KCNQ3: variants seen among roughly 807,000 people sequenced by gnomAD.
The protein encoded by KCNQ3 is potassium voltage-gated channel subfamily Q member 3.
A neutral mutation model predicts 92.5 loss-of-function variants in KCNQ3; 30 were observed. The observed-to-expected ratio is 0.32, with a 90% CI of 0.24 to 0.44. The LOEUF (loss-of-function observed/expected upper bound fraction) is 0.44. Ranked by LOEUF, KCNQ3 falls within the 20% of genes least tolerant of loss-of-function variation. KCNQ3 has a pLI of 1.00. For missense variants in KCNQ3, 913 were observed against 1,140.3 expected, an observed-to-expected ratio of 0.80 and a Z score of 2.87; for synonymous variants, 450 against 468.8, an observed-to-expected ratio of 0.96 and a Z score of 0.52.
rs1814973425 is a variant in KCNQ3, at chr8:132,240,915, G to C, written c.387-54734C>G. Among the ~76,000 whole-genome samples, 6 of 151,052 alleles carry C rather than the reference G, an allele frequency of 4.0e-5. No homozygotes were observed. The South Asian group carries it at 1.3e-3, about 32-fold the overall frequency. ...TTTTTTTTTTTCTTTTTGAGACAGA[G>C]TCTTGTTCTCTCACCCAGGCTGGAG... On this transcript the variant is annotated intron_variant, in intron 1 of 14. Coordinates refer to ENST00000388996, the MANE Select transcript of KCNQ3 (RefSeq NM_004519.4).
chr8:132,360,590 A>T (rs1406908363), intron 1 of KCNQ3, among the ~76,000 whole-genome samples: 1 of 152,120 alleles, frequency 6.6e-6, no homozygotes, highest in Non-Finnish European at 1.5e-5. Context: ...CCAGCCCTTG[A>T]TCTAAGCCCC....
At chr8:132,163,982 G>A (rs550509537) in intron 8 of KCNQ3, among the ~76,000 whole-genome samples, 5 of 152,260 alleles carry the variant, frequency 3.3e-5, no homozygotes, top group Admixed American at 1.3e-4. Context: ...GAAAATTGAG[G>A]CACAGAGGGA....
intron 1 of KCNQ3, among the ~76,000 whole-genome samples, chr8:132,247,098 G>A (rs16904637): frequency 6.6e-6 from 1 of 152,268 alleles, no homozygotes; most frequent in African/African-American, 2.4e-5. Context: ...ACAGCATCCT[G>A]TGACTGCCTC....
At chr8:132,472,872 C>A (rs928280017) in intron 1 of KCNQ3, among the ~76,000 whole-genome samples, 1 of 152,044 alleles carries the variant, frequency 6.6e-6, no homozygotes, top group African/African-American at 2.4e-5. Flanking sequence ...GTACATGTAC[C>A]TCATAAATAT....
At chr8:132,441,083 A>G (rs995072185) in intron 1 of KCNQ3, among the ~76,000 whole-genome samples, 3 of 152,202 alleles carry the variant, frequency 2.0e-5, no homozygotes, top group African/African-American at 7.2e-5. Context: ...GAAGTAACTT[A>G]CCTGCCCCAC....
intron 1 of KCNQ3, among the ~76,000 whole-genome samples, chr8:132,337,264 G>A (rs370153124): frequency 4.6e-5 from 7 of 152,150 alleles, no homozygotes; most frequent in Admixed American, 1.3e-4. Context: ...CAGGAGGATC[G>A]CATTGCTTGA....
intron 1 of KCNQ3, among the ~76,000 whole-genome samples, chr8:132,268,551 G>A (rs946569143): frequency 5.3e-5 from 8 of 152,288 alleles, no homozygotes; most frequent in Non-Finnish European, 8.8e-5. Flanking sequence ...GAGCCACCGC[G>A]CCGGCCAGCT....
At chr8:132,333,819 C>T (rs774346345) in intron 1 of KCNQ3, among the ~76,000 whole-genome samples, 13 of 151,976 alleles carry the variant, frequency 8.6e-5, no homozygotes, top group Admixed American at 2.0e-4. Flanking sequence ...CTGCAGCCTC[C>T]GGTTCCCGAG....
intron 1 of KCNQ3, among the ~76,000 whole-genome samples, chr8:132,209,908 G>C (rs1813797736): frequency 1.3e-5 from 2 of 152,152 alleles, no homozygotes; most frequent in Admixed American, 6.5e-5. Context: ...GTGTATGTTT[G>C]TGCATGTGTG....
intron 1 of KCNQ3, among the ~76,000 whole-genome samples, chr8:132,450,688 C>T (rs1563916709): frequency 6.6e-6 from 1 of 152,176 alleles, no homozygotes; most frequent in Non-Finnish European, 1.5e-5. Context: ...GGCAGGCCCA[C>T]CAGAGTCAGG....
intron 1 of KCNQ3, among the ~76,000 whole-genome samples, chr8:132,252,066 G>A (rs1815430224): frequency 6.6e-6 from 1 of 152,110 alleles, no homozygotes; most frequent in Non-Finnish European, 1.5e-5. Context: ...GAGGATCATG[G>A]CCACTATGTA....
At chr8:132,385,049 G>T (rs548469126) in intron 1 of KCNQ3, among the ~76,000 whole-genome samples, 11 of 152,272 alleles carry the variant, frequency 7.2e-5, no homozygotes, top group African/African-American at 2.6e-4. Flanking sequence ...GCTCTTAGAG[G>T]ACTATGTTGG....
intron 1 of KCNQ3, among the ~76,000 whole-genome samples, chr8:132,191,619 A>ATAATATATATAAT (rs1317200685): frequency 2.0e-5 from 3 of 147,888 alleles, no homozygotes; most frequent in Admixed American, 6.8e-5. Flanking sequence ...GTATGTATAT[A>ATAATATATATAAT]TAATATATAT....
At chr8:132,246,086 G>A (rs764218635) in intron 1 of KCNQ3, among the ~76,000 whole-genome samples, 7 of 152,196 alleles carry the variant, frequency 4.6e-5, no homozygotes, top group African/African-American at 9.6e-5. Context: ...TTGAAGATTC[G>A]GAGCATGGTT....
At chr8:132,358,589 A>G (rs1199026523) in intron 1 of KCNQ3, among the ~76,000 whole-genome samples, 1 of 152,194 alleles carries the variant, frequency 6.6e-6, no homozygotes, top group Admixed American at 6.5e-5. Context: ...CAGAAAAAAA[A>G]TAATATCCCA....
In KCNQ3 at chr8:132,281,586, T is replaced by G. The variant is rs1030636689; in HGVS notation, c.387-95405A>C. On this transcript the variant is annotated intron_variant, in intron 1 of 14. Transcript: ENST00000388996. ...TATATGAAATGAATATGGACCTACT[T>G]CATTCCATCTCCACCTCCATCTCCA... Among the ~76,000 whole-genome samples the G allele has an allele frequency of 4.0e-5, 6 of 151,808 alleles. 1 individual carries two copies. Among genetic ancestry groups the G allele is most frequent in the Admixed American group, 2.6e-4 (4 of 15,224 alleles).
chr8:132,361,352 A>G (rs4736575), intron 1 of KCNQ3, among the ~76,000 whole-genome samples: 86,309 of 152,096 alleles, frequency 0.57, 27,191 homozygotes, highest in African/African-American at 0.86. Context: ...AACTCTCCCC[A>G]AATGGCCATA....
chr8:132,451,483 C>T (rs55876503), intron 1 of KCNQ3, among the ~76,000 whole-genome samples: 8,556 of 152,286 alleles, frequency 0.056, 356 homozygotes, highest in Non-Finnish European at 0.085. Context: ...AGACACACTG[C>T]ACATTCTATT....
intron 1 of KCNQ3, among the ~76,000 whole-genome samples, chr8:132,426,197 C>T (rs760647165): frequency 5.3e-5 from 8 of 152,194 alleles, no homozygotes; most frequent in Non-Finnish European, 1.0e-4. Context: ...ATCAATATGG[C>T]GGGCTGCCTT....
Sources: gnomAD v4.1 joint callset for allele counts (sites outside exome capture counted in the v4.1 genomes callset) on GRCh38, gnomAD v4.1.1 for gene constraint, MANE v1.5 for transcripts, NCBI Gene and HGNC (gene_info 2026-07-23, HGNC 2026-07-21) for gene names.